Variants in GLIS3 observed in about 807,000 individuals in gnomAD.
The protein encoded by GLIS3 is GLIS family zinc finger 3.
GLIS3 carries 53 observed loss-of-function variants against 78.6 expected under a neutral mutation model. That is an observed-to-expected ratio of 0.67 (90% CI 0.54 to 0.85). The LOEUF (loss-of-function observed/expected upper bound fraction) is 0.85, where lower values mean the gene tolerates loss of function less well. Ranked by LOEUF, GLIS3 falls within the 40% of genes least tolerant of loss-of-function variation. The pLI, the probability that GLIS3 is intolerant of heterozygous loss-of-function variation, is 0.00. For synonymous variants in GLIS3, 684 were observed against 509.9 expected (o/e 1.34, Z -4.60); for missense variants, 1,703 against 1,231.1 (o/e 1.38, Z -5.74).
chr9:3,834,619 G>C (rs1325702042), intron 9 of GLIS3, among the ~76,000 whole-genome samples: 4 of 152,076 alleles, frequency 2.6e-5, no homozygotes, highest in African/African-American at 7.2e-5. Context: ...AAAAACACAT[G>C]ACCCACCCCA....
chr9:4,443,886 T>G, the GLIS3 span, among the ~76,000 whole-genome samples: 23 of 152,362 alleles, frequency 1.5e-4, no homozygotes, highest in Non-Finnish European at 3.1e-4. Context: ...AAAATTATGT[T>G]AATCTGTCTC....
chr9:3,973,718 A>C (rs893056778), intron 4 of GLIS3, among the ~76,000 whole-genome samples: 18 of 152,226 alleles, frequency 1.2e-4, no homozygotes, highest in Non-Finnish European at 2.6e-4. Context: ...TATCTCTAAT[A>C]ACATAAAATT....
At chr9:4,368,877 G>A in the GLIS3 span, among the ~76,000 whole-genome samples, 1 of 152,166 alleles carries the variant, frequency 6.6e-6, no homozygotes, top group African/African-American at 2.4e-5. Context: ...TTGAAGCAAG[G>A]TGGCAATTTT....
chr9:4,365,251 G>C, the GLIS3 span, among the ~76,000 whole-genome samples: 1 of 152,232 alleles, frequency 6.6e-6, no homozygotes, highest in East Asian at 1.9e-4. Context: ...ATATGAGAAA[G>C]TTCATATGCA....
the GLIS3 span, among the ~76,000 whole-genome samples, chr9:4,405,551 C>G: frequency 6.6e-6 from 1 of 151,798 alleles, no homozygotes; most frequent in Non-Finnish European, 1.5e-5. Context: ...CTGAACAGAC[C>G]AATAACAAGT....
At chr9:4,380,017 G>T in the GLIS3 span, among the ~76,000 whole-genome samples, 1 of 152,112 alleles carries the variant, frequency 6.6e-6, no homozygotes, top group Admixed American at 6.5e-5. Flanking sequence ...AACTAGTTAT[G>T]TTACCATCCA....
Position 4,113,058 on chromosome 9 carries a change from G to A in GLIS3, c.1710+4710C>T, listed in dbSNP as rs540376997. ...CTACCAGAACTATATAATATTGCCC[G>A]GTTTGTGTTTAAATATACATAAATT... On this transcript the variant is annotated intron_variant, in intron 4 of 10. Transcript: ENST00000381971. Among the ~76,000 whole-genome samples the A allele has an allele frequency of 4.6e-5, 7 of 151,384 alleles. No homozygotes were observed. In the East Asian group the frequency reaches 7.7e-4, roughly 17 times the overall value.
At chr9:3,835,358 A>C (rs1352630612) in intron 9 of GLIS3, among the ~76,000 whole-genome samples, 2 of 152,118 alleles carry the variant, frequency 1.3e-5, no homozygotes, top group African/African-American at 4.8e-5. Flanking sequence ...GGTTCCCCAG[A>C]ATTTCCCCCT....
chr9:4,455,274 C>T, the GLIS3 span, among the ~76,000 whole-genome samples: 1 of 152,042 alleles, frequency 6.6e-6, no homozygotes, highest in Non-Finnish European at 1.5e-5. Context: ...ATCTTACGGT[C>T]TTCAGTTATT....
intron 4 of GLIS3, among the ~76,000 whole-genome samples, chr9:4,023,000 T>C (rs188815363): frequency 6.6e-6 from 1 of 152,212 alleles, no homozygotes; most frequent in Non-Finnish European, 1.5e-5. Context: ...ATGGTGGTGA[T>C]TTCACGGAGG....
intron 2 of GLIS3, among the ~76,000 whole-genome samples, chr9:4,165,324 C>T (rs1564140073): frequency 6.6e-6 from 1 of 152,084 alleles, no homozygotes; most frequent in Non-Finnish European, 1.5e-5. Context: ...GCCTGTAATC[C>T]CAGTTACTCG....
chr9:4,452,914 C>A, the GLIS3 span, among the ~76,000 whole-genome samples: 79,415 of 151,954 alleles, frequency 0.52, 22,277 homozygotes, highest in South Asian at 0.71. Context: ...TTCAAACTAT[C>A]CTACAAGGCT....
chr9:4,238,671 C>T (rs1282517061), intron 2 of GLIS3, among the ~76,000 whole-genome samples: 2 of 152,304 alleles, frequency 1.3e-5, no homozygotes, highest in East Asian at 3.9e-4. Flanking sequence ...TTACTGAGCA[C>T]ATGTTCTGTC....
chr9:4,059,690 T>C (rs1047237892), intron 4 of GLIS3, among the ~76,000 whole-genome samples: 16 of 152,234 alleles, frequency 1.1e-4, no homozygotes, highest in African/African-American at 3.9e-4. Context: ...GTTGGGCTAC[T>C]TTCTTCTCAC....
At chr9:4,135,902 C>T (rs1213675418) in intron 2 of GLIS3, among the ~76,000 whole-genome samples, 3 of 152,154 alleles carry the variant, frequency 2.0e-5, no homozygotes, top group African/African-American at 4.8e-5. Flanking sequence ...CCTAGGCTTG[C>T]TATGTAGTGT....
chr9:4,355,447 T>C, the GLIS3 span, among the ~76,000 whole-genome samples: 1 of 152,170 alleles, frequency 6.6e-6, no homozygotes, highest in South Asian at 2.1e-4. Flanking sequence ...CAAGCACTTC[T>C]AGGAACAATA....
chr9:3,999,505 C>G (rs1820976825), intron 4 of GLIS3, among the ~76,000 whole-genome samples: 1 of 151,720 alleles, frequency 6.6e-6, no homozygotes, highest in African/African-American at 2.4e-5. Flanking sequence ...ATGTATAAAA[C>G]AATAATGAAA....
chr9:4,357,361 G>A, the GLIS3 span, among the ~76,000 whole-genome samples: 1 of 151,486 alleles, frequency 6.6e-6, no homozygotes, highest in Non-Finnish European at 1.5e-5. Flanking sequence ...CCTGAGTAAG[G>A]AAGAATCCCC....
In GLIS3 at chr9:4,286,336, G is replaced by A; in HGVS notation, c.90C>T (p.Ala30=). 6.2e-7 allele frequency: 1 copy of A among 1,614,220 alleles called. No homozygotes were observed. Among genetic ancestry groups the A allele is most frequent in the Non-Finnish European group, 8.5e-7 (1 of 1,180,032 alleles). The part of the protein sequence containing the change: ...PRMVSGHHIP[A]IRAHSGTPGP... The stretch of plus-strand genomic sequence containing the variant: ...CAGGAGTCCCGGAGTGGGCTCGGAT[G>A]GCAGGAATGTGATGACCACTGACCA... The change falls in exon 2 of 11, where the codon GCC becomes GCT. Residue 30 remains alanine, a synonymous_variant. Coordinates refer to ENST00000381971, the MANE Select transcript of GLIS3 (RefSeq NM_001042413.2).
Sources: allele counts gnomAD v4.1 joint callset (sites outside exome capture counted in the v4.1 genomes callset), GRCh38; gene constraint gnomAD v4.1.1; transcripts MANE v1.5; gene names NCBI Gene and HGNC (gene_info 2026-07-23, HGNC 2026-07-21).